MAP1A: variants seen among roughly 807,000 people sequenced by gnomAD.
MAP1A encodes the protein microtubule-associated protein 1A.
A neutral mutation model predicts 185.9 loss-of-function variants in MAP1A; 42 were observed. The ratio of observed to expected loss-of-function variants is 0.23; its 90% CI spans 0.18 to 0.29. The LOEUF (loss-of-function observed/expected upper bound fraction) is 0.29. Ranked by LOEUF, MAP1A falls within the 10% of genes least tolerant of loss-of-function variation. The pLI is 1.00. For synonymous variants in MAP1A, 1,229 were observed against 1,335.9 expected, an observed-to-expected ratio of 0.92 and a Z score of 1.74; for missense variants, 2,995 against 3,450.4, an observed-to-expected ratio of 0.87 and a Z score of 3.31.
At position 43,527,049 on chromosome 15, in the gene MAP1A, C is replaced by T. The variant is rs971526760; in HGVS notation, c.5576C>T (p.Pro1859Leu). ...DRPLPPAPLS[P>L]APGPPTPAPE... ...CCCCTCCCCCCTGCACCCCTCTCCCCAGCTCCTGGTCCCCCCACACCTGCC... is the reference window on the plus strand; with the variant it reads ...CCCCTCCCCCCTGCACCCCTCTCCCTAGCTCCTGGTCCCCCCACACCTGCC... The change falls in exon 4 of 6, where the codon CCA becomes CTA. Residue 1859 changes from proline to leucine, a missense_variant. Pro to Leu is a moderately conservative substitution (Grantham distance 98). Coordinates refer to ENST00000300231, the MANE Select transcript of MAP1A (RefSeq NM_002373.6). 7 of 1,588,000 alleles carry T rather than the reference C, an allele frequency of 4.4e-6. No individual in the cohort carries two copies. The highest frequency in any genetic ancestry group is 6.0e-6 in the Non-Finnish European group (7 of 1,167,386).
chr15:43,527,739 G>C lies in MAP1A; in HGVS notation c.6266G>C (p.Arg2089Thr). Residue 2089 changes from arginine (R) to threonine (T), a missense_variant, in exon 4 of 6, where the codon AGG becomes ACG. Physicochemically the swap from Arg to Thr is moderately conservative, Grantham distance 71. Around this residue, in one of 3 missense-constraint regions of MAP1A, gnomAD observed 2,728 missense variants for 2,986.0 expected, o/e 0.91. Transcript: ENST00000300231. ...ATCCTGAGCTGCAGCCCAGATAGGA[G>C]GTCCCCATCCCCCAAGGAATCAGGC... The part of the protein sequence containing the change: ...GNILSCSPDR[R>T]SPSPKESGRS... The C allele has an allele frequency of 6.2e-7, 1 of 1,613,270 alleles. No homozygotes were observed. The highest frequency in any genetic ancestry group is 8.5e-7 in the Non-Finnish European group (1 of 1,179,824).
rs1387669768 is a variant in MAP1A, at chr15:43,528,885, T to A, written c.7412T>A (p.Val2471Asp). The change falls in exon 4 of 6, where the codon GTT becomes GAT. Residue 2471 changes from valine (V) to aspartate (D), a missense_variant. Val to Asp is a radical substitution (Grantham distance 152, BLOSUM62 -3). This residue lies in a region of MAP1A where 2,728 missense variants were observed against 2,986.0 expected (regional missense o/e 0.91). Coordinates refer to ENST00000300231, the MANE Select transcript of MAP1A (RefSeq NM_002373.6). ...GATAGGGACCTCTCAACTGAGGAAG[T>A]TCGGCTAGTAGGAAGAGGGGGGCGG... ...IDDRDLSTEE[V>D]RLVGRGGRRR... 1 of 1,613,206 alleles carries A rather than the reference T, an allele frequency of 6.2e-7. No homozygotes were observed. The highest frequency in any genetic ancestry group is 1.3e-5 in the African/African-American group (1 of 74,886).
upstream of MAP1A, among the ~76,000 whole-genome samples, chr15:43,512,672 G>A (rs1471160651): frequency 6.6e-6 from 1 of 152,174 alleles, no homozygotes; most frequent in Non-Finnish European, 1.5e-5. Context: ...AGACACCCCA[G>A]AATCCCCCAT....
rs749259294 is a variant in MAP1A, at chr15:43,524,928, C to T, written c.3455C>T (p.Ser1152Phe). 1 of 1,614,164 alleles carries T rather than the reference C, an allele frequency of 6.2e-7. No homozygotes were observed. Among genetic ancestry groups the T allele is most frequent in the Admixed American group, 1.7e-5 (1 of 60,020 alleles). Residue 1152 changes from serine to phenylalanine, a missense_variant, in exon 4 of 6, where the codon TCC (serine) becomes TTC (phenylalanine). Around this residue, in one of 3 missense-constraint regions of MAP1A, gnomAD observed 2,728 missense variants for 2,986.0 expected, o/e 0.91. Transcript: ENST00000300231. ...AGCCTCTCTCCTGAAGATGCAGAAT[C>T]CCTCTCTGTCCTCAGCGTGCCCTCC... ...DRSLSPEDAE[S>F]LSVLSVPSPD...
At chr15:43,519,288 C>A (rs1337854966) in intron 1 of MAP1A, among the ~76,000 whole-genome samples, 1 of 152,186 alleles carries the variant, frequency 6.6e-6, no homozygotes, top group South Asian at 2.1e-4. Flanking sequence ...TTTGGCCCAA[C>A]CCACGCTGTA....
In MAP1A at chr15:43,523,149, T is replaced by G. The variant is rs2079326762; in HGVS notation, c.1676T>G (p.Phe559Cys). 1 of 1,614,066 alleles carries G rather than the reference T, an allele frequency of 6.2e-7. No homozygotes were observed. Among genetic ancestry groups the G allele is most frequent in the East Asian group, 2.2e-5 (1 of 44,858 alleles). Reference protein sequence around the residue: ...QRDTGLGDKPFPLDTAEEGPP... With the variant: ...QRDTGLGDKPCPLDTAEEGPP... ...GACACAGGACTAGGAGATAAGCCAT[T>G]CCCTCTAGACACTGCAGAGGAGGGA... The change falls in exon 4 of 6, where the codon TTC becomes TGC. Residue 559 changes from phenylalanine (F) to cysteine (C), a missense_variant. By Grantham distance (205) the Phe-to-Cys change is radical. Around this residue, in one of 3 missense-constraint regions of MAP1A, gnomAD observed 2,728 missense variants for 2,986.0 expected, o/e 0.91. Coordinates refer to ENST00000300231, the MANE Select transcript of MAP1A (RefSeq NM_002373.6).
In MAP1A at chr15:43,524,599, A is replaced by T. The variant is rs778143588; in HGVS notation, c.3126A>T (p.Glu1042Asp). ...DTKRTPGVGK[E>D]DAAEETVKPG... ...AGCGCACACCAGGTGTGGGCAAAGA[A>T]GATGCTGCTGAGGAGACAGTCAAGC... The change falls in exon 4 of 6, where the codon GAA (glutamate) becomes GAT (aspartate). Residue 1042 changes from glutamate to aspartate, a missense_variant. By Grantham distance (45) the Glu-to-Asp change is conservative (BLOSUM62 2). Coordinates refer to ENST00000300231, the MANE Select transcript of MAP1A (RefSeq NM_002373.6). 1.9e-6 allele frequency: 3 copies of T among 1,614,046 alleles called. No individual in the cohort carries two copies. The highest frequency in any genetic ancestry group is 2.7e-5 in the African/African-American group (2 of 74,922).
rs1342723327 is a variant in MAP1A, at chr15:43,524,386, T to C, written c.2913T>C (p.His971=). The C allele has an allele frequency of 2.5e-6, 4 of 1,614,180 alleles. No individual in the cohort carries two copies. The highest frequency in any genetic ancestry group is 3.4e-6 in the Non-Finnish European group (4 of 1,180,020). Residue 971 remains histidine, a synonymous_variant, in exon 4 of 6, where the codon CAT becomes CAC. Transcript: ENST00000300231. ...PVFSAPGHAL[H]PGEPALGEAE... ...TTAGTGCCCCTGGGCATGCCCTACA[T>C]CCAGGAGAACCAGCCCTTGGAGAAG...
rs1405852219 is a variant in MAP1A, at chr15:43,511,036, G to C, written c.48G>C (p.Glu16Asp). The C allele has an allele frequency of 1.0e-5, 16 of 1,548,608 alleles. No homozygotes were observed. In the Admixed American group the frequency reaches 3.1e-4, roughly 30 times the overall value. ...CGCGGCCTCACGGCGTTGCCATGGA[G>C]ACAACTCCGGGGCTGGGGCTCCGAA... is the stretch of plus-strand genomic sequence containing the variant. Residue 16 changes from glutamate to aspartate, a missense_variant, in exon 1 of 7, where the codon GAG (glutamate) becomes GAC (aspartate). Transcript: ENST00000382031.
At position 43,530,984 on chromosome 15, in the gene MAP1A, CTT is replaced by C. The variant is rs2079369371; in HGVS notation, c.*762_*763del. ...CAGAATTCTTCCAAACTCCCTGACT[CTT>C]TGAAGTTTTTACTCACCCCATTTCA... On this transcript the variant is annotated 3_prime_UTR_variant, in exon 6 of 6. Coordinates refer to ENST00000300231, the MANE Select transcript of MAP1A (RefSeq NM_002373.6). The C allele has an allele frequency of 6.5e-6, 1 of 152,814 alleles. No homozygotes were observed. The highest frequency in any genetic ancestry group is 1.5e-5 in the Non-Finnish European group (1 of 68,170). 9.5% of individuals were successfully genotyped at this position (152,814 alleles called of 1,614,324 possible). A position where few individuals can be genotyped will look rare whatever the true frequency, so the allele number is the denominator to read the frequency against.
At chr15:43,515,618 C>CT (rs201096454), upstream of MAP1A, among the ~76,000 whole-genome samples, 21 of 152,134 alleles carry the variant, frequency 1.4e-4, 1 homozygote, top group Middle Eastern at 0.017. Context: ...AATGAAGAAG[C>CT]TTTTTTTTCA....
chr15:43,521,368 C>G lies in MAP1A; in HGVS notation c.-106C>G, dbSNP rs1202632126. 1.2e-6 allele frequency: 2 copies of G among 1,613,470 alleles called. No individual in the cohort carries two copies. Among genetic ancestry groups the G allele is most frequent in the African/African-American group, 2.7e-5 (2 of 74,934 alleles). ...ATAGAGACCCTGGGATACAGGCCTT[C>G]CTTACCGTGTCCTGCTTAGGGGAAG... is the stretch of plus-strand genomic sequence containing the variant. On this transcript the variant is annotated 5_prime_UTR_variant, in exon 4 of 6. Transcript: ENST00000300231. This position sits in a 1 kb window ranked among gnomAD's most constrained non-coding sequence, Gnocchi z 4.6.
rs771275401 is a variant in MAP1A, at chr15:43,529,621, C to T, written c.8036-29C>T. On this transcript the variant is annotated intron_variant, in intron 4 of 5. Coordinates refer to ENST00000300231, the MANE Select transcript of MAP1A (RefSeq NM_002373.6). The surrounding 1 kb of genome is among the most constrained non-coding windows in gnomAD (Gnocchi z 4.3). The stretch of plus-strand genomic sequence containing the variant: ...TTGCCAAAAGGGTTCTACTTTTCCT[C>T]TACAATGAATCCTGGCTTGTCTCTA... The T allele has an allele frequency of 3.3e-5, 53 of 1,611,746 alleles. No individual in the cohort carries two copies. Among genetic ancestry groups the T allele is most frequent in the Non-Finnish European group, 4.4e-5 (52 of 1,177,990 alleles).
intron 2 of MAP1A, 85 bp downstream of exon 2, chr15:43,520,808 G>T: frequency 7.4e-7 from 1 of 1,344,612 alleles, no homozygotes; most frequent in Non-Finnish European, 1.0e-6. Flanking sequence ...ATTAGGCCAA[G>T]AATTCCTCTC....
Position 43,524,500 on chromosome 15 carries a change from C to T in MAP1A, c.3027C>T (p.Pro1009=). 1 of 1,614,198 alleles carries T rather than the reference C, an allele frequency of 6.2e-7. No individual in the cohort carries two copies. Among genetic ancestry groups the T allele is most frequent in the East Asian group, 2.2e-5 (1 of 44,878 alleles). ...GCCCACCCAGTGCCACCCACACACC[C>T]TTTCATCAGTCCCCAGTGGAAGAAA... ...PSGPPSATHT[P]FHQSPVEEKS... The change falls in exon 4 of 6, where the codon CCC becomes CCT. Residue 1009 remains proline (P), a synonymous_variant. Coordinates refer to ENST00000300231, the MANE Select transcript of MAP1A (RefSeq NM_002373.6).
In MAP1A at chr15:43,529,822, G is replaced by T. The variant is rs746994762; in HGVS notation, c.8208G>T (p.Val2736=). 1 of 1,614,104 alleles carries T rather than the reference G, an allele frequency of 6.2e-7. No individual in the cohort carries two copies. The highest frequency in any genetic ancestry group is 1.1e-5 in the South Asian group (1 of 91,086). ...CCAATGGCGAGCCAAGCCGGGCTGT[G>T]CTGGATGCCCTGCTGGAGGGCAAGG... ...DPANGEPSRA[V]LDALLEGKAQ... Residue 2736 remains valine, a synonymous_variant, in exon 5 of 6, where the codon GTG becomes GTT. Transcript: ENST00000300231. This position sits in a 1 kb window ranked among gnomAD's most constrained non-coding sequence, Gnocchi z 4.3.
At chr15:43,520,448 G>A (rs1408963923) in intron 1 of MAP1A, among the ~76,000 whole-genome samples, 193 bp from the exon 2 acceptor site, 1 of 152,174 alleles carries the variant, frequency 6.6e-6, no homozygotes, top group Non-Finnish European at 1.5e-5. Context: ...TGGGAGAGGG[G>A]AGGTGGAAAC....
upstream of MAP1A, among the ~76,000 whole-genome samples, chr15:43,514,427 C>T (rs528972757): frequency 1.2e-3 from 181 of 152,298 alleles, 2 homozygotes; most frequent in Non-Finnish European, 1.1e-3. Flanking sequence ...TTAGTGAGGA[C>T]GCAAAGGGGA....
Position 43,523,365 on chromosome 15 carries a change from C to CA in MAP1A, c.1893dup (p.Glu632ArgfsTer14). On this transcript the variant is annotated frameshift_variant, in exon 4 of 6. Transcript: ENST00000300231. LOFTEE classifies it high-confidence loss of function. ...TGGGAGGAAAAGAAGCAGAGGGAAG[C>CA]AGAGAGGCTCCCAGACAGAACAGAA... is the stretch of plus-strand genomic sequence containing the variant. The CA allele has an allele frequency of 1.9e-6, 3 of 1,610,816 alleles. No individual in the cohort carries two copies. Among genetic ancestry groups the CA allele is most frequent in the Non-Finnish European group, 2.5e-6 (3 of 1,178,326 alleles).
Sources: allele counts gnomAD v4.1 joint callset (sites outside exome capture counted in the v4.1 genomes callset), GRCh38; gene constraint gnomAD v4.1.1; regional missense constraint gnomAD v4.1.1; non-coding constraint Gnocchi (gnomAD v3.1); transcripts MANE v1.5; gene names NCBI Gene and HGNC (gene_info 2026-07-23, HGNC 2026-07-21).